HECTD4: variants seen among roughly 807,000 people sequenced by gnomAD.
The protein encoded by HECTD4 is HECT domain E3 ubiquitin protein ligase 4, also known as probable E3 ubiquitin-protein ligase HECTD4.
In HECTD4, 114 loss-of-function variants were observed where a neutral mutation model predicts 471.5. The observed-to-expected ratio is 0.24, with a 90% CI of 0.21 to 0.28. The LOEUF is 0.28. Among genes scored for constraint, HECTD4 ranks in the 10% least tolerant of loss-of-function variants. The probability of loss-of-function intolerance (pLI) is 1.00; values close to 1 mark genes in which losing one functional copy is unlikely to be tolerated. For missense variants in HECTD4, 3,866 were observed against 5,651.5 expected, an observed-to-expected ratio of 0.68 and a Z score of 10.13; for synonymous variants, 2,012 against 2,256.0, an observed-to-expected ratio of 0.89 and a Z score of 3.07.
rs575464462 is a variant in HECTD4, at chr12:112,281,250, A to G, written c.1528+1860T>C. Among the ~76,000 whole-genome samples the G allele has an allele frequency of 2.8e-3, 430 of 151,760 alleles. 5 individuals carry two copies. Among genetic ancestry groups the G allele is most frequent in the African/African-American group, 9.6e-3 (400 of 41,454 alleles). On this transcript the variant is annotated intron_variant, in intron 8 of 75. Transcript: ENST00000682272. ...GGAGTTTGAGACCAGCCTGGACAAC[A>G]TAACAAGACCTCATGTTTTTTTTAA...
At chr12:112,318,669 C>T (rs2035533068) in intron 2 of HECTD4, among the ~76,000 whole-genome samples, 1 of 152,140 alleles carries the variant, frequency 6.6e-6, no homozygotes, top group African/African-American at 2.4e-5. Context: ...CCACCACGTC[C>T]AGCCATGTGT....
rs2032169836 is a variant in HECTD4, at chr12:112,194,273, C to T, written c.8750-599G>A. ...CTGACTGAGCCTAGATTGCTATCTG[C>T]AAGTGAGCTTTGAGGGGTGTCCCCT... On this transcript the variant is annotated intron_variant, in intron 56 of 75. Coordinates refer to ENST00000682272, the MANE Select transcript of HECTD4 (RefSeq NM_001388303.1). This position sits in a 1 kb window ranked among gnomAD's most constrained non-coding sequence, Gnocchi z 4.6. 6.6e-6 allele frequency among the ~76,000 whole-genome samples: 1 copy of T among 152,256 alleles called. No homozygotes were observed. The highest frequency in any genetic ancestry group is 6.5e-5 in the Admixed American group (1 of 15,286).
chr12:112,368,129 C>T (rs2036602256), intron 1 of HECTD4, among the ~76,000 whole-genome samples: 1 of 152,140 alleles, frequency 6.6e-6, no homozygotes. Flanking sequence ...TATTGTTAAT[C>T]TAAAATTGCT....
chr12:112,270,161 G>T, intron 12 of HECTD4, 66 bp downstream of exon 12: 2 of 1,397,680 alleles, frequency 1.4e-6, no homozygotes, highest in Admixed American at 1.8e-5. Flanking sequence ...AAAATGAACT[G>T]GCTGAAGCCA....
In HECTD4 at chr12:112,279,282, T is replaced by C; in HGVS notation, c.1633A>G (p.Ser545Gly). 6.2e-7 allele frequency: 1 copy of C among 1,612,924 alleles called. No homozygotes were observed. The highest frequency in any genetic ancestry group is 8.5e-7 in the Non-Finnish European group (1 of 1,179,698). The change falls in exon 9 of 76, where the codon AGC becomes GGC. Residue 545 changes from serine to glycine, a missense_variant. Ser to Gly is a moderately conservative substitution (Grantham distance 56, BLOSUM62 0). Coordinates refer to ENST00000682272, the MANE Select transcript of HECTD4 (RefSeq NM_001388303.1). ...CCAAAAAGAGATCGGGTGGCAGAGC[T>C]GCCTGATCCCCCTGGAGGAGGCACC... ...MLVPPPGGSG[S>G]SATRSLFGGT...
intron 7 of HECTD4, among the ~76,000 whole-genome samples, chr12:112,292,442 A>G (rs1317989485): frequency 6.6e-6 from 1 of 152,146 alleles, no homozygotes; most frequent in Non-Finnish European, 1.5e-5. Flanking sequence ...ATATTTACCA[A>G]TGCTTGAAAC....
chr12:112,291,637 C>A (rs564567291), intron 7 of HECTD4, among the ~76,000 whole-genome samples: 2 of 152,174 alleles, frequency 1.3e-5, no homozygotes, highest in South Asian at 4.1e-4. Flanking sequence ...CTTTGGGAGG[C>A]CGAGGCGGGC....
chr12:112,270,892 C>G (rs1351232115), intron 11 of HECTD4, among the ~76,000 whole-genome samples: 1 of 152,180 alleles, frequency 6.6e-6, no homozygotes, highest in Non-Finnish European at 1.5e-5. Context: ...AGTAAAACCT[C>G]TCCATATCCT....
chr12:112,172,675 G>A lies in HECTD4; in HGVS notation c.11781C>T (p.Leu3927=). Residue 3927 remains leucine, a synonymous_variant, in exon 67 of 76, where the codon CTC becomes CTT. Coordinates refer to ENST00000682272, the MANE Select transcript of HECTD4 (RefSeq NM_001388303.1). ...ADAADPRVAC[L]LNVPIESLRL... Reference sequence around the variant, plus strand: ...GATAGGCCCAGGGCCACATACTCAGGAGACAGGCCACTCTGGGGTCAGCAG... The same window carrying A: ...GATAGGCCCAGGGCCACATACTCAGAAGACAGGCCACTCTGGGGTCAGCAG... The A allele has an allele frequency of 6.2e-7, 1 of 1,613,856 alleles. No individual in the cohort carries two copies. Among genetic ancestry groups the A allele is most frequent in the South Asian group, 1.1e-5 (1 of 91,078 alleles).
intron 1 of HECTD4, among the ~76,000 whole-genome samples, chr12:112,353,295 C>A (rs1211937527): frequency 2.0e-5 from 3 of 152,190 alleles, no homozygotes; most frequent in Non-Finnish European, 4.4e-5. Flanking sequence ...TTCTAAGTAT[C>A]TTTCTAGGCT....
rs757499816 is a variant in HECTD4 at position 112,250,311 on chromosome 12, C to G, written c.3783G>C (p.Leu1261=). The change falls in exon 25 of 76, where the codon CTG becomes CTC. Residue 1261 remains leucine (L), a synonymous_variant. Transcript: ENST00000682272. Reference sequence around the variant, plus strand: ...CTCTGTCTTCCTCTATGGTCAGAGGCAGTGGAGAGGGGCTCGGAGTAAGGG... The same window carrying G: ...CTCTGTCTTCCTCTATGGTCAGAGGGAGTGGAGAGGGGCTCGGAGTAAGGG... ...SPALTPSPSP[L]PLTIEEDREF... is the part of the protein sequence containing the mutation. The G allele has an allele frequency of 6.2e-7, 1 of 1,613,916 alleles. No individual in the cohort carries two copies. Among genetic ancestry groups the G allele is most frequent in the South Asian group, 1.1e-5 (1 of 91,070 alleles).
At chr12:112,352,818 G>A (rs1290569114) in intron 1 of HECTD4, among the ~76,000 whole-genome samples, 2 of 151,904 alleles carry the variant, frequency 1.3e-5, no homozygotes, top group African/African-American at 4.8e-5. Context: ...TGTTGCCAGG[G>A]CTGGTCTCGA....
At chr12:112,264,816 G>A (rs1292330414) in intron 16 of HECTD4, among the ~76,000 whole-genome samples, 1 of 152,188 alleles carries the variant, frequency 6.6e-6, no homozygotes, top group Non-Finnish European at 1.5e-5. Flanking sequence ...CCAGGCTGGA[G>A]TGCGGTGGCG....
At chr12:112,233,156 G>A in intron 37 of HECTD4, 71 bp from the exon 38 acceptor site, 1 of 1,191,886 alleles carries the variant, frequency 8.4e-7, no homozygotes, top group South Asian at 1.3e-5. Flanking sequence ...ATGCCATGGG[G>A]TCACCCAGTC....
At chr12:112,238,344 C>T (rs1370587743) in intron 34 of HECTD4, among the ~76,000 whole-genome samples, 6 of 152,114 alleles carry the variant, frequency 3.9e-5, no homozygotes, top group Admixed American at 3.9e-4. Flanking sequence ...TTCTGAGTGG[C>T]TGGGACTATA....
At position 112,247,551 on chromosome 12, in the gene HECTD4, C is replaced by A; in HGVS notation, c.4249-1G>T. 6.9e-7 allele frequency: 1 copy of A among 1,448,730 alleles called. No homozygotes were observed. Among genetic ancestry groups the A allele is most frequent in the South Asian group, 1.4e-5 (1 of 73,018 alleles). 89.7% of individuals were successfully genotyped at this position (1,448,730 alleles called of 1,614,324 possible). On this transcript the variant is annotated splice_acceptor_variant, in intron 27 of 75. Coordinates refer to ENST00000682272, the MANE Select transcript of HECTD4 (RefSeq NM_001388303.1). LOFTEE classifies it high-confidence loss of function. ...AAAGTTCTAGTTCTTTCATTTTGTT[C>A]TAAAGAAAAAAAAGATGGTATGCAG...
chr12:112,376,574 T>A (rs912334069), intron 1 of HECTD4, among the ~76,000 whole-genome samples: 4 of 152,164 alleles, frequency 2.6e-5, no homozygotes, highest in South Asian at 2.1e-4. Flanking sequence ...TCACTCATAG[T>A]AAGATCCAAA....
rs2036892225 is a variant in HECTD4, at chr12:112,381,654, C to T, written c.177+298G>A. 6.6e-6 allele frequency among the ~76,000 whole-genome samples: 1 copy of T among 152,078 alleles called. No individual in the cohort carries two copies. The highest frequency in any genetic ancestry group is 6.5e-5 in the Admixed American group (1 of 15,272). ...GGTGGTGGCGGTGGCTCCTCTGGGG[C>T]ATGAAGGCCGAGCCAGGCGCTAGCC... On this transcript the variant is annotated intron_variant, in intron 1 of 75. Coordinates refer to ENST00000682272, the MANE Select transcript of HECTD4 (RefSeq NM_001388303.1). The surrounding 1 kb of genome is among the most constrained non-coding windows in gnomAD (Gnocchi z 4.1).
intron 1 of HECTD4, among the ~76,000 whole-genome samples, chr12:112,339,151 T>C (rs750771943): frequency 4.5e-4 from 69 of 151,972 alleles, no homozygotes; most frequent in Admixed American, 3.6e-3. Flanking sequence ...AGCAACACTG[T>C]TTATAATATC....
Sources: allele counts gnomAD v4.1 joint callset (sites outside exome capture counted in the v4.1 genomes callset), GRCh38; gene constraint gnomAD v4.1.1; non-coding constraint Gnocchi (gnomAD v3.1); transcripts MANE v1.5; gene names NCBI Gene and HGNC (gene_info 2026-07-23, HGNC 2026-07-21).